Variants in ARGFX observed in about 807,000 individuals in gnomAD.
ARGFX encodes arginine-fifty homeobox.
In ARGFX, 10 loss-of-function variants were observed where a neutral mutation model predicts 8.0. The observed-to-expected ratio is 1.25, with a 90% confidence interval of 0.77 to 2.12. ARGFX has a LOEUF of 2.12. Ranked by LOEUF, ARGFX falls within the 30% of genes most tolerant of loss-of-function variation. The pLI, the probability that ARGFX is intolerant of heterozygous loss-of-function variation, is 0.00. For synonymous variants in ARGFX, 116 were observed against 117.8 expected, an observed-to-expected ratio of 0.98 and a Z score of 0.10; for missense variants, 282 against 324.3, an observed-to-expected ratio of 0.87 and a Z score of 1.00.
intron 2 of ARGFX, among the ~76,000 whole-genome samples, chr3:121,576,177 A>C (rs1370003595): frequency 6.6e-6 from 1 of 151,830 alleles, no homozygotes; most frequent in Non-Finnish European, 1.5e-5. Context: ...TTGACTCCCA[A>C]GGTCAAGCAG....
chr3:121,582,146 G>A (rs1022480111), intron 3 of ARGFX, among the ~76,000 whole-genome samples: 1 of 152,126 alleles, frequency 6.6e-6, no homozygotes, highest in African/African-American at 2.4e-5. Flanking sequence ...ACAATTTACA[G>A]TAAGTAGTTA....
At chr3:121,577,261 T>TA (rs1560120621) in intron 3 of ARGFX, among the ~76,000 whole-genome samples, 185 of 37,374 alleles carry the variant, frequency 4.9e-3, no homozygotes, top group South Asian at 0.018. Flanking sequence ...ATATATATAT[T>TA]TTTTTTTTTT....
At chr3:121,580,528 CTATA>C (rs1204084578) in intron 3 of ARGFX, among the ~76,000 whole-genome samples, 1 of 149,638 alleles carries the variant, frequency 6.7e-6, no homozygotes, top group Admixed American at 6.7e-5. Flanking sequence ...AGTCTACTCT[CTATA>C]TATTCATAAA....
chr3:121,579,945 C>CTTTTTTTTTTTTTTTTTT (rs1174620508), intron 3 of ARGFX, among the ~76,000 whole-genome samples: 18 of 91,582 alleles, frequency 2.0e-4, no homozygotes, highest in African/African-American at 5.9e-4. Flanking sequence ...CTTTTCTTTT[C>CTTTTTTTTTTTTTTTTTT]TTTTTTTTTT....
rs926561044 is a variant in ARGFX, at chr3:121,589,766, T to C, written c.*3166T>C. Among the ~76,000 whole-genome samples, 1 of 152,120 alleles carries C rather than the reference T, an allele frequency of 6.6e-6. No individual in the cohort carries two copies. Among genetic ancestry groups the C allele is most frequent in the Non-Finnish European group, 1.5e-5 (1 of 68,022 alleles). On this transcript the variant is annotated 3_prime_UTR_variant, in exon 5 of 5. Transcript: ENST00000334384. ...ATAATAACTTTGAACTTAAATATAC[T>C]TAACAACATATACCAAAAATATATG...
At chr3:121,568,665 G>T (rs1238836142) in intron 1 of ARGFX, among the ~76,000 whole-genome samples, 1 of 152,140 alleles carries the variant, frequency 6.6e-6, no homozygotes, top group African/African-American at 2.4e-5. Flanking sequence ...TAGATCTCAT[G>T]TCTCTTCATC....
At chr3:121,585,176 A>G in intron 4 of ARGFX, 111 bp downstream of exon 4, 1 of 1,222,768 alleles carries the variant, frequency 8.2e-7, no homozygotes, top group Non-Finnish European at 1.1e-6. Context: ...TCATTAATTG[A>G]GTACCTACTG....
chr3:121,590,005 T>C lies in ARGFX; in HGVS notation c.*3405T>C, dbSNP rs2048835868. Among the ~76,000 whole-genome samples the C allele has an allele frequency of 6.6e-6, 1 of 152,044 alleles. No homozygotes were observed. The highest frequency in any genetic ancestry group is 2.4e-5 in the African/African-American group (1 of 41,424). On this transcript the variant is annotated 3_prime_UTR_variant, in exon 5 of 5. Coordinates refer to ENST00000334384, the MANE Select transcript of ARGFX (RefSeq NM_001012659.2). ...ATCAAAAGCTGGTTCTTTGAAAAGA[T>C]CTACAAAATGGCAAACATTTAGCTA... is the stretch of plus-strand genomic sequence containing the variant.
chr3:121,581,721 C>A (rs1419319239), intron 3 of ARGFX, among the ~76,000 whole-genome samples: 2 of 151,936 alleles, frequency 1.3e-5, no homozygotes, highest in Non-Finnish European at 2.9e-5. Context: ...GACAACGTAG[C>A]AAAACCTCAT....
chr3:121,584,861 G>C (rs998067908), intron 3 of ARGFX, 56 bp from the exon 4 acceptor site: 12 of 1,561,774 alleles, frequency 7.7e-6, no homozygotes, highest in Middle Eastern at 2.4e-4. Flanking sequence ...TTTTTGGTTG[G>C]GGGGAGAGAT....
chr3:121,572,546 C>A (rs1490717154), intron 2 of ARGFX, among the ~76,000 whole-genome samples: 3 of 152,070 alleles, frequency 2.0e-5, no homozygotes, highest in African/African-American at 7.2e-5. Flanking sequence ...ACTGCCCGGC[C>A]AGGCTTAATA....
chr3:121,585,074 C>A lies in ARGFX; in HGVS notation c.369+9C>A. On this transcript the variant is annotated intron_variant, in intron 4 of 4. Coordinates refer to ENST00000334384, the MANE Select transcript of ARGFX (RefSeq NM_001012659.2). ...CGGAGTCAACAGTAAAGGTCTGATC[C>A]CCTGTGGTGTGCTTGGTACCCCCAT... The A allele has an allele frequency of 6.2e-7, 1 of 1,613,156 alleles. No individual in the cohort carries two copies. The highest frequency in any genetic ancestry group is 8.5e-7 in the Non-Finnish European group (1 of 1,179,668).
Position 121,589,643 on chromosome 3 carries a change from T to G in ARGFX, c.*3043T>G, listed in dbSNP as rs2048834106. Among the ~76,000 whole-genome samples, 1 of 152,178 alleles carries G rather than the reference T, an allele frequency of 6.6e-6. No individual in the cohort carries two copies. Among genetic ancestry groups the G allele is most frequent in the Non-Finnish European group, 1.5e-5 (1 of 68,038 alleles). ...CTCCCGTCTCAGCCTCCCAAAGGGC[T>G]GAGATTACAGGTGTGAGCTACCTCA... On this transcript the variant is annotated 3_prime_UTR_variant, in exon 5 of 5. Coordinates refer to ENST00000334384, the MANE Select transcript of ARGFX (RefSeq NM_001012659.2).
intron 3 of ARGFX, among the ~76,000 whole-genome samples, chr3:121,583,180 C>T (rs1193851455): frequency 6.6e-6 from 1 of 151,456 alleles, no homozygotes; most frequent in African/African-American, 2.4e-5. Flanking sequence ...CAGGCATGCA[C>T]CACTATGCCT....
chr3:121,575,009 TTTG>T, intron 2 of ARGFX, among the ~76,000 whole-genome samples: 1 of 152,144 alleles, frequency 6.6e-6, no homozygotes. Flanking sequence ...AAAATAAGTA[TTTG>T]TTGTTGTTTA....
intron 1 of ARGFX, among the ~76,000 whole-genome samples, chr3:121,569,421 A>G (rs1374401853): frequency 6.4e-5 from 9 of 141,436 alleles, no homozygotes; most frequent in Non-Finnish European, 9.0e-5. Context: ...GCTGGAGTGC[A>G]GTGACATGAT....
At position 121,589,143 on chromosome 3, in the gene ARGFX, C is replaced by T. The variant is rs535430865; in HGVS notation, c.*2543C>T. The stretch of plus-strand genomic sequence containing the variant: ...TGAGCTGTGACTGTGCCACTGCACT[C>T]CAGCTTGAGCAACACAGTGATACTG... On this transcript the variant is annotated 3_prime_UTR_variant, in exon 5 of 5. Transcript: ENST00000334384. Among the ~76,000 whole-genome samples the T allele has an allele frequency of 2.6e-5, 4 of 152,082 alleles. No homozygotes were observed. In the South Asian group the frequency reaches 6.2e-4, roughly 24 times the overall value.
rs1413710405 is a variant in ARGFX, at chr3:121,576,871, C to T, written c.191C>T (p.Thr64Ile). ...CTCCCAGGTTCAACTGATCCTCCCACCTCAGCCTCCCGAGTAGCTGCGACT... is the reference window on the plus strand; with the variant it reads ...CTCCCAGGTTCAACTGATCCTCCCATCTCAGCCTCCCGAGTAGCTGCGACT... ...LNLPGSTDPP[T>I]SASRVAATTA... Residue 64 changes from threonine to isoleucine, a missense_variant, in exon 3 of 5, where the codon ACC (threonine) becomes ATC (isoleucine). By Grantham distance (89) the Thr-to-Ile change is moderately conservative (BLOSUM62 -1). Coordinates refer to ENST00000334384, the MANE Select transcript of ARGFX (RefSeq NM_001012659.2). 1 of 391,730 alleles carries T rather than the reference C, an allele frequency of 2.6e-6. No homozygotes were observed. Among genetic ancestry groups the T allele is most frequent in the Non-Finnish European group, 5.0e-6 (1 of 201,342 alleles). The allele number at this position is 391,730 out of a possible 1,614,324, so 24.3% of individuals were successfully genotyped here. A position where few individuals can be genotyped will look rare whatever the true frequency, so the allele number is the denominator to read the frequency against.
chr3:121,585,349 T>C (rs1237873132), intron 4 of ARGFX, among the ~76,000 whole-genome samples: 1 of 152,162 alleles, frequency 6.6e-6, no homozygotes, highest in Non-Finnish European at 1.5e-5. Flanking sequence ...ATACTTGTAC[T>C]ATAGAGTTCA....
Sources: gnomAD v4.1 joint callset for allele counts (sites outside exome capture counted in the v4.1 genomes callset) on GRCh38, gnomAD v4.1.1 for gene constraint, MANE v1.5 for transcripts, NCBI Gene and HGNC (gene_info 2026-07-23, HGNC 2026-07-21) for gene names.